Variants in CTNNA2 observed in about 807,000 individuals in gnomAD.
CTNNA2 encodes the protein catenin alpha 2.
CTNNA2 carries 42 observed loss-of-function variants against 101.0 expected under a neutral mutation model. That is an observed-to-expected ratio of 0.42 (90% CI 0.32 to 0.54). The LOEUF is 0.54. Ranked by LOEUF, CTNNA2 falls within the 20% of genes least tolerant of loss-of-function variation. The pLI, the probability that CTNNA2 is intolerant of heterozygous loss-of-function variation, is 0.14. For synonymous variants in CTNNA2, 450 were observed against 456.4 expected, an observed-to-expected ratio of 0.99 and a Z score of 0.18; for missense variants, 871 against 1,223.1, an observed-to-expected ratio of 0.71 and a Z score of 4.29.
In CTNNA2 at chr2:80,290,487, C is replaced by G. The variant is rs191287046; in HGVS notation, c.1057-102724C>G. On this transcript the variant is annotated intron_variant, in intron 7 of 18. Transcript: ENST00000402739. ...TGAGGTTGGTGAGGCTCCCGTGATGCTTTTACTTTTTGCTGTTTTTTTCTC... is the reference window on the plus strand; with the variant it reads ...TGAGGTTGGTGAGGCTCCCGTGATGGTTTTACTTTTTGCTGTTTTTTTCTC... Among the ~76,000 whole-genome samples the G allele has an allele frequency of 2.5e-3, 383 of 152,074 alleles. 1 individual carries two copies. Among genetic ancestry groups the G allele is most frequent in the African/African-American group, 8.9e-3 (368 of 41,514 alleles).
At chr2:79,461,805 G>T (rs1376290252) in intron 4 of CTNNA2, among the ~76,000 whole-genome samples, 2 of 151,800 alleles carry the variant, frequency 1.3e-5, no homozygotes, top group Non-Finnish European at 2.9e-5. Context: ...GCAATATAAA[G>T]GTAAAATTGA....
At chr2:79,834,538 TG>T (rs1158478597) in intron 3 of CTNNA2, among the ~76,000 whole-genome samples, 7 of 152,124 alleles carry the variant, frequency 4.6e-5, no homozygotes, top group Admixed American at 4.6e-4. Context: ...ATTAGTCATT[TG>T]GGTTTGCTAT....
At chr2:79,489,800 AT>A (rs1671192178) in intron 4 of CTNNA2, among the ~76,000 whole-genome samples, 2 of 152,098 alleles carry the variant, frequency 1.3e-5, no homozygotes, top group Non-Finnish European at 2.9e-5. Context: ...AGGCAAAATC[AT>A]TTTTCTGGAA....
At chr2:80,190,012 G>GAA (rs61262150) in intron 7 of CTNNA2, among the ~76,000 whole-genome samples, 19 of 150,790 alleles carry the variant, frequency 1.3e-4, no homozygotes, top group African/African-American at 2.7e-4. Flanking sequence ...GGAAATCCAT[G>GAA]AAAAAAAAAT....
intron 18 of CTNNA2, among the ~76,000 whole-genome samples, chr2:80,637,477 CAG>C (rs1027706950): frequency 3.9e-5 from 6 of 152,026 alleles, no homozygotes; most frequent in Admixed American, 6.6e-5. Flanking sequence ...TTACCAGTGA[CAG>C]AGAGTGCACA....
intron 1 of CTNNA2, among the ~76,000 whole-genome samples, chr2:79,541,423 CACACATATATAT>C (rs1415498954): frequency 2.0e-5 from 1 of 51,006 alleles, no homozygotes; most frequent in African/African-American, 1.2e-4. Flanking sequence ...CACACGCACA[CACACATATATAT>C]ATATATATAT....
intron 7 of CTNNA2, among the ~76,000 whole-genome samples, chr2:80,378,444 T>TAC (rs3040572): frequency 0.19 from 28,293 of 147,808 alleles, 2,580 homozygotes; most frequent in East Asian, 0.3. Flanking sequence ...ACTTGCAGTA[T>TAC]ACACACACAC....
chr2:80,130,896 T>C (rs1460779465), intron 7 of CTNNA2, among the ~76,000 whole-genome samples: 1 of 151,858 alleles, frequency 6.6e-6, no homozygotes, highest in East Asian at 1.9e-4. Context: ...TAAGAAAATA[T>C]ATTAATTCGC....
At chr2:79,359,500 A>G (rs751508866) in intron 3 of CTNNA2, among the ~76,000 whole-genome samples, 18 of 152,150 alleles carry the variant, frequency 1.2e-4, no homozygotes, top group South Asian at 4.1e-4. Context: ...AATGTGTCCT[A>G]TGATTTTCTA....
At chr2:79,189,768 T>A (rs1177056058) in intron 1 of CTNNA2, among the ~76,000 whole-genome samples, 1 of 152,184 alleles carries the variant, frequency 6.6e-6, no homozygotes. Flanking sequence ...TTCTTCTTGA[T>A]GATTACCTTT....
intron 3 of CTNNA2, among the ~76,000 whole-genome samples, chr2:79,830,924 T>C (rs1678880476): frequency 1.3e-5 from 2 of 152,224 alleles, no homozygotes; most frequent in South Asian, 4.1e-4. Flanking sequence ...ACGTGTATAT[T>C]ATGAAATATT....
intron 9 of CTNNA2, among the ~76,000 whole-genome samples, chr2:80,513,607 A>G (rs1688881037): frequency 6.6e-6 from 1 of 152,224 alleles, no homozygotes; most frequent in South Asian, 2.1e-4. Flanking sequence ...CACCTTCCAA[A>G]ATCTTGATGC....
intron 3 of CTNNA2, among the ~76,000 whole-genome samples, chr2:79,328,601 T>G (rs1239595965): frequency 1.3e-5 from 2 of 152,058 alleles, no homozygotes; most frequent in African/African-American, 2.4e-5. Context: ...ATGATGATGA[T>G]GAGGATGATA....
chr2:79,799,029 T>C (rs956717064), intron 3 of CTNNA2, among the ~76,000 whole-genome samples: 1 of 152,162 alleles, frequency 6.6e-6, no homozygotes, highest in Non-Finnish European at 1.5e-5. Flanking sequence ...TTACTCTCTT[T>C]TGTTGTTCTC....
intron 2 of CTNNA2, among the ~76,000 whole-genome samples, chr2:79,725,837 C>A (rs1482055324): frequency 6.6e-6 from 1 of 152,190 alleles, no homozygotes; most frequent in African/African-American, 2.4e-5. Flanking sequence ...CTGCCTCCAG[C>A]ATCTGTTCTA....
chr2:79,495,071 C>G (rs899897504), intron 4 of CTNNA2, among the ~76,000 whole-genome samples: 1 of 152,056 alleles, frequency 6.6e-6, no homozygotes, highest in African/African-American at 2.4e-5. Context: ...CCACTGCACT[C>G]CAGCCTGGGC....
At chr2:80,351,819 T>A (rs1423781534) in intron 7 of CTNNA2, among the ~76,000 whole-genome samples, 1 of 152,122 alleles carries the variant, frequency 6.6e-6, no homozygotes, top group East Asian at 1.9e-4. Flanking sequence ...TTTCCATGAT[T>A]CTCACTCTTT....
chr2:79,234,465 G>A (rs1572991962), intron 2 of CTNNA2, among the ~76,000 whole-genome samples: 1 of 152,132 alleles, frequency 6.6e-6, no homozygotes, highest in East Asian at 1.9e-4. Context: ...CTGCCTTGAA[G>A]ATTTTTTCTT....
chr2:80,606,953 T>G (rs1421115624), intron 16 of CTNNA2, among the ~76,000 whole-genome samples: 1 of 152,016 alleles, frequency 6.6e-6, no homozygotes, highest in East Asian at 2.0e-4. Context: ...TATTACAGTA[T>G]GAAGTACTTG....
Sources: gnomAD v4.1 joint callset for allele counts (sites outside exome capture counted in the v4.1 genomes callset) on GRCh38, gnomAD v4.1.1 for gene constraint, MANE v1.5 for transcripts, NCBI Gene and HGNC (gene_info 2026-07-23, HGNC 2026-07-21) for gene names.